The following FRMD4A variants were observed in gnomAD, a reference collection of about 807,000 sequenced individuals.
FRMD4A encodes FERM domain containing 4A.
A neutral mutation model predicts 129.1 loss-of-function variants in FRMD4A; 29 were observed. The ratio of observed to expected loss-of-function variants is 0.22; its 90% CI spans 0.17 to 0.31. The LOEUF (loss-of-function observed/expected upper bound fraction) is 0.31. Ranked by LOEUF, FRMD4A falls within the 10% of genes least tolerant of loss-of-function variation. The pLI is 1.00. For synonymous variants in FRMD4A, 634 were observed against 571.6 expected (o/e 1.11, Z -1.56); for missense variants, 1,272 against 1,375.8 (o/e 0.92, Z 1.19).
intron 2 of FRMD4A, among the ~76,000 whole-genome samples, chr10:14,086,186 T>A (rs1836263579): frequency 1.3e-5 from 2 of 152,236 alleles, no homozygotes; most frequent in South Asian, 4.1e-4. Context: ...GCTATGCTGA[T>A]TAATTTAATT....
intron 12 of FRMD4A, among the ~76,000 whole-genome samples, chr10:13,733,379 G>C (rs1039156736): frequency 2.0e-5 from 3 of 152,166 alleles, no homozygotes; most frequent in African/African-American, 7.2e-5. Context: ...GGGTGGGGGG[G>C]TACCCCTAGA....
intron 2 of FRMD4A, chr10:14,326,859 C>T (rs536258664): frequency 1.4e-4 from 54 of 398,610 alleles, no homozygotes; most frequent in African/African-American, 9.6e-4. Flanking sequence ...TATCTTCTTT[C>T]GCTGCCTGAG....
chr10:13,795,674 G>C lies in FRMD4A; in HGVS notation c.299+822C>G, dbSNP rs112404867. 7.2e-5 allele frequency among the ~76,000 whole-genome samples: 11 copies of C among 152,276 alleles called. 2 individuals are homozygous for C. Among genetic ancestry groups the C allele is most frequent in the African/African-American group, 2.4e-4 (10 of 41,558 alleles). On this transcript the variant is annotated intron_variant, in intron 5 of 24. Transcript: ENST00000357447. ...ATCAGCACTTAATGCTTCTGTAATT[G>C]TGTTGCAATCAAGGTTCTGGACAGA...
chr10:13,655,462 T>C (rs1052159930), intron 22 of FRMD4A: 1 of 152,196 alleles, frequency 6.6e-6, no homozygotes, highest in Non-Finnish European at 1.5e-5. Flanking sequence ...AGAAGGAACA[T>C]AAAGAAGGTT....
intron 2 of FRMD4A, among the ~76,000 whole-genome samples, chr10:14,034,054 C>T (rs12264239): frequency 6.6e-6 from 1 of 151,800 alleles, no homozygotes; most frequent in Non-Finnish European, 1.5e-5. Context: ...AAACACGGGT[C>T]CACTATGTTG....
chr10:13,899,535 T>C (rs2094796141), intron 2 of FRMD4A, among the ~76,000 whole-genome samples: 1 of 152,194 alleles, frequency 6.6e-6, no homozygotes, highest in African/African-American at 2.4e-5. Context: ...GGCTCACACC[T>C]GTAATTCCAG....
At chr10:14,206,306 A>G (rs188131272) in intron 2 of FRMD4A, among the ~76,000 whole-genome samples, 1 of 152,292 alleles carries the variant, frequency 6.6e-6, no homozygotes, top group Admixed American at 6.5e-5. Flanking sequence ...TGGGGGAAAA[A>G]CTAATTAAAA....
At chr10:13,802,296 G>C (rs926668793) in intron 4 of FRMD4A, among the ~76,000 whole-genome samples, 1 of 152,174 alleles carries the variant, frequency 6.6e-6, no homozygotes, top group African/African-American at 2.4e-5. Flanking sequence ...TATAGTTACT[G>C]GTGGGTGGAG....
chr10:13,847,774 T>A (rs2094074500), intron 3 of FRMD4A, among the ~76,000 whole-genome samples: 1 of 152,166 alleles, frequency 6.6e-6, no homozygotes, highest in Non-Finnish European at 1.5e-5. Context: ...GCAACCAAAA[T>A]AATCATTGAC....
chr10:14,134,248 A>AATGGATGGATGGATGGATGG (rs60021621), intron 2 of FRMD4A, among the ~76,000 whole-genome samples: 111 of 149,786 alleles, frequency 7.4e-4, no homozygotes, highest in South Asian at 7.1e-3. Flanking sequence ...AATTGGAAAG[A>AATGGATGGATGGATGGATGG]ATGGATGGAT....
intron 2 of FRMD4A, among the ~76,000 whole-genome samples, chr10:14,309,145 G>T (rs1003083944): frequency 6.6e-6 from 1 of 152,142 alleles, no homozygotes; most frequent in Non-Finnish European, 1.5e-5. Context: ...CAACAACATC[G>T]CCTGTTAAAA....
intron 2 of FRMD4A, among the ~76,000 whole-genome samples, chr10:14,316,414 C>T (rs1846740056): frequency 2.0e-5 from 3 of 151,058 alleles, no homozygotes; most frequent in South Asian, 4.2e-4. Flanking sequence ...GATGCCCATT[C>T]CTCGATCTTG....
At chr10:14,326,744 C>T in intron 2 of FRMD4A, 1 of 397,718 alleles carries the variant, frequency 2.5e-6, no homozygotes, top group Non-Finnish European at 4.4e-6. Context: ...TGCAGCTTTC[C>T]CTGAACTCAC....
chr10:14,214,531 T>G (rs1252363683), intron 2 of FRMD4A, among the ~76,000 whole-genome samples: 4 of 152,222 alleles, frequency 2.6e-5, no homozygotes, highest in Non-Finnish European at 5.9e-5. Context: ...CCCAAAATAT[T>G]TATACCTTAG....
At chr10:13,677,193 A>C (rs1282850608) in intron 15 of FRMD4A, among the ~76,000 whole-genome samples, 1 of 152,226 alleles carries the variant, frequency 6.6e-6, no homozygotes, top group African/African-American at 2.4e-5. Flanking sequence ...CTCAATGTCT[A>C]AGAACATTTT....
intron 2 of FRMD4A, among the ~76,000 whole-genome samples, chr10:14,328,107 T>C (rs763353450): frequency 4.6e-5 from 7 of 151,830 alleles, no homozygotes; most frequent in Non-Finnish European, 1.0e-4. Flanking sequence ...AACCAGAAAA[T>C]GTATACAGAC....
intron 2 of FRMD4A, among the ~76,000 whole-genome samples, chr10:14,325,780 A>G (rs934729011): frequency 6.6e-6 from 1 of 152,258 alleles, no homozygotes; most frequent in African/African-American, 2.4e-5. Flanking sequence ...CCAAAGGAGG[A>G]AAATGGCTTA....
intron 2 of FRMD4A, among the ~76,000 whole-genome samples, chr10:13,924,830 C>T (rs905262599): frequency 1.8e-4 from 27 of 151,932 alleles, no homozygotes; most frequent in Admixed American, 9.2e-4. Context: ...TTTGGGAGGC[C>T]GAAGCGGGCG....
chr10:14,099,408 T>C lies in FRMD4A; in HGVS notation c.45+230650A>G, dbSNP rs548202620. ...AATAGCTATGACTTCTCAAACACTA[T>C]GTGGCAAATCCTGCTTTAAGTGTGT... On this transcript the variant is annotated intron_variant, in intron 2 of 24. Transcript: ENST00000357447. 5.9e-5 allele frequency among the ~76,000 whole-genome samples: 9 copies of C among 152,322 alleles called. No homozygotes were observed. The South Asian group carries it at 1.7e-3, about 28-fold the overall frequency.
Sources: gnomAD v4.1 joint callset for allele counts (sites outside exome capture counted in the v4.1 genomes callset) on GRCh38, gnomAD v4.1.1 for gene constraint, MANE v1.5 for transcripts, NCBI Gene and HGNC (gene_info 2026-07-23, HGNC 2026-07-21) for gene names.